NUP160: variants seen among roughly 807,000 people sequenced by gnomAD.
NUP160 encodes nuclear pore complex protein Nup160.
Under a neutral mutation model 196.9 loss-of-function variants are expected in NUP160, and 94 were observed. The ratio of observed to expected loss-of-function variants is 0.48; its 90% CI spans 0.40 to 0.57. The LOEUF (loss-of-function observed/expected upper bound fraction) is 0.57. NUP160 is among the 20% of genes least tolerant of loss of function. The probability of loss-of-function intolerance (pLI) is 0.00; values close to 1 mark genes in which losing one functional copy is unlikely to be tolerated. For synonymous variants in NUP160, 605 were observed against 619.7 expected (o/e 0.98, Z 0.35); for missense variants, 1,638 against 1,748.3 (o/e 0.94, Z 1.13).
intron 18 of NUP160, among the ~76,000 whole-genome samples, chr11:47,807,745 G>A (rs1043432852): frequency 3.9e-5 from 6 of 152,036 alleles, no homozygotes; most frequent in Non-Finnish European, 1.5e-5. Context: ...AGTAACAAGC[G>A]TAACATTTTG....
chr11:47,832,416 G>T (rs776866931), intron 7 of NUP160, among the ~76,000 whole-genome samples: 37 of 152,186 alleles, frequency 2.4e-4, no homozygotes, highest in Non-Finnish European at 4.7e-4. Flanking sequence ...TATTCCGGAG[G>T]TCATAAGATT....
At chr11:47,834,045 G>C (rs1331916540) in intron 7 of NUP160, among the ~76,000 whole-genome samples, 1 of 152,174 alleles carries the variant, frequency 6.6e-6, no homozygotes, top group East Asian at 1.9e-4. Flanking sequence ...TACTGGACAT[G>C]GAGGTGAGGT....
intron 12 of NUP160, 76 bp from the exon 13 acceptor site, chr11:47,815,725 C>T: frequency 1.6e-6 from 2 of 1,277,656 alleles, no homozygotes; most frequent in Non-Finnish European, 2.2e-6. Context: ...CATAATTGTC[C>T]AATATCATTA....
exon 24 of NUP160, chr11:47,798,372 C>T: frequency 3.1e-6 from 5 of 1,607,710 alleles, no homozygotes; most frequent in Non-Finnish European, 3.4e-6. Flanking sequence ...TCTTACCTGA[C>T]TTTTCCAGTC....
intron 17 of NUP160, 89 bp downstream of exon 17, chr11:47,811,975 T>C (rs2097681404): frequency 8.6e-7 from 1 of 1,168,908 alleles, no homozygotes; most frequent in Non-Finnish European, 1.2e-6. Flanking sequence ...AAAGTATCTG[T>C]GCTAGTAGGG....
At position 47,815,832 on chromosome 11, in the gene NUP160, A is replaced by G. The variant is rs964114512; in HGVS notation, c.1515+114T>C. 5 of 985,892 alleles carry G rather than the reference A, an allele frequency of 5.1e-6. No individual in the cohort carries two copies. In the African/African-American group the frequency reaches 6.6e-5, roughly 13 times the overall value. 61.1% of individuals were successfully genotyped at this position (985,892 alleles called of 1,614,324 possible). ...CTCTAGTTAAAAGGTTTAAACATTT[A>G]TATGTTCCAACAAACAAGGTCAAGT... On this transcript the variant is annotated intron_variant, in intron 12 of 35. Transcript: ENST00000378460.
chr11:47,823,137 A>G (rs1355084771), intron 7 of NUP160, among the ~76,000 whole-genome samples: 1 of 152,208 alleles, frequency 6.6e-6, no homozygotes, highest in Non-Finnish European at 1.5e-5. Flanking sequence ...GATCCCTGAA[A>G]GTATAGTCTT....
At chr11:47,812,486 A>AT in intron 15 of NUP160, 57 bp from the exon 16 acceptor site, 1 of 1,498,524 alleles carries the variant, frequency 6.7e-7, no homozygotes, top group Non-Finnish European at 9.1e-7. Flanking sequence ...GGCAAGTTCT[A>AT]TATGTCCTAT....
At chr11:47,793,255 G>C (rs2097668944) in intron 27 of NUP160, among the ~76,000 whole-genome samples, 1 of 152,110 alleles carries the variant, frequency 6.6e-6, no homozygotes, top group African/African-American at 2.4e-5. Context: ...AAAGTGCTGG[G>C]ATTACAGGTG....
chr11:47,812,132 T>C, exon 17 of NUP160: 1 of 1,614,158 alleles, frequency 6.2e-7, no homozygotes, highest in Admixed American at 1.7e-5. Context: ...AAACGAGTAC[T>C]GGCGATTTTA....
At chr11:47,847,332 C>T (rs77334029) in intron 2 of NUP160, among the ~76,000 whole-genome samples, 5,023 of 152,160 alleles carry the variant, frequency 0.033, 278 homozygotes, top group African/African-American at 0.11. Flanking sequence ...CTCTTATTAG[C>T]CTCTCATAAC....
chr11:47,791,053 T>C (rs1285787577), intron 29 of NUP160, among the ~76,000 whole-genome samples: 1 of 152,198 alleles, frequency 6.6e-6, no homozygotes, highest in East Asian at 1.9e-4. Context: ...TGTACCCACA[T>C]AAAAGCTGGA....
At chr11:47,830,236 A>C (rs1852046817) in intron 7 of NUP160, among the ~76,000 whole-genome samples, 1 of 152,246 alleles carries the variant, frequency 6.6e-6, no homozygotes, top group Non-Finnish European at 1.5e-5. Flanking sequence ...TTGCAGAGAA[A>C]AGGGAACATT....
At chr11:47,818,035 C>T in intron 11 of NUP160, 21 bp downstream of exon 11, 2 of 1,507,554 alleles carry the variant, frequency 1.3e-6, no homozygotes, top group East Asian at 2.3e-5. Context: ...CTTAAACAAA[C>T]AGTAAATTTT....
chr11:47,821,186 C>G (rs1851849348), intron 9 of NUP160, among the ~76,000 whole-genome samples: 1 of 152,002 alleles, frequency 6.6e-6, no homozygotes, highest in South Asian at 2.1e-4. Context: ...GACATTTTAT[C>G]TTAGTCCAAC....
intron 15 of NUP160, 65 bp downstream of exon 15, chr11:47,812,817 C>T: frequency 1.4e-6 from 2 of 1,397,466 alleles, no homozygotes; most frequent in Middle Eastern, 1.8e-4. Flanking sequence ...CATTAAAATT[C>T]CAACTTTGGC....
At chr11:47,826,312 A>T (rs1267047262) in intron 7 of NUP160, among the ~76,000 whole-genome samples, 1 of 152,208 alleles carries the variant, frequency 6.6e-6, no homozygotes, top group East Asian at 1.9e-4. Context: ...ATAAAATACT[A>T]TAAGTTCACT....
chr11:47,792,754 C>A (rs756453629), intron 28 of NUP160, 32 bp downstream of exon 28: 3 of 1,564,346 alleles, frequency 1.9e-6, no homozygotes, highest in Admixed American at 1.9e-5. Context: ...CCAGGATGAA[C>A]CCCCAAATTC....
intron 28 of NUP160, 64 bp downstream of exon 28, chr11:47,792,722 A>C: frequency 7.0e-7 from 1 of 1,423,450 alleles, no homozygotes; most frequent in Non-Finnish European, 9.4e-7. Context: ...TGAAAGGACC[A>C]AAACAAGTAG....
Sources: gnomAD v4.1 joint callset for allele counts (sites outside exome capture counted in the v4.1 genomes callset) on GRCh38, gnomAD v4.1.1 for gene constraint, MANE v1.5 for transcripts, NCBI Gene and HGNC (gene_info 2026-07-23, HGNC 2026-07-21) for gene names.